Variants in PCBP4 observed in about 807,000 individuals in gnomAD.
The protein encoded by PCBP4 is poly(rC)-binding protein 4.
A neutral mutation model predicts 46.2 loss-of-function variants in PCBP4; 24 were observed. The ratio of observed to expected loss-of-function variants is 0.52; its 90% CI spans 0.38 to 0.73. The LOEUF (loss-of-function observed/expected upper bound fraction) is 0.73, where lower values mean the gene tolerates loss of function less well. Ranked by LOEUF, PCBP4 falls within the 30% of genes least tolerant of loss-of-function variation. The pLI, the probability that PCBP4 is intolerant of heterozygous loss-of-function variation, is 0.00. For synonymous variants in PCBP4, 203 were observed against 224.4 expected, an observed-to-expected ratio of 0.90 and a Z score of 0.85; for missense variants, 407 against 537.0, an observed-to-expected ratio of 0.76 and a Z score of 2.39.
In PCBP4 at chr3:51,960,959, G is replaced by A. The variant is rs751298435; in HGVS notation, c.105+51C>T. The A allele has an allele frequency of 5.6e-6, 9 of 1,614,082 alleles. No homozygotes were observed. Among genetic ancestry groups the A allele is most frequent in the Non-Finnish European group, 7.6e-6 (9 of 1,179,944 alleles). ...TTAGAGGTCACAGCCTCCTTCCCTG[G>A]GCTGAAGCCTCAGCTGGAGGGGGAT... On this transcript the variant is annotated intron_variant, in intron 4 of 13. Transcript: ENST00000461554. The surrounding 1 kb of genome is among the most constrained non-coding windows in gnomAD (Gnocchi z 5.0).
chr3:51,961,011 T>C lies in PCBP4; in HGVS notation c.104A>G (p.Lys35Arg), dbSNP rs779008679. The change falls in exon 4 of 14, where the codon AAG becomes AGG. Residue 35 changes from lysine to arginine, a missense_variant and splice_region_variant. Transcript: ENST00000461554. ...TACAGAGCAGAGCTAGGCACCTACC[T>C]TCCCGATGATGCTGCCCACTTCCTG... ...HGKEVGSIIG[K>R]KGETVKRIRE... is the part of the protein sequence containing the mutation. 1 of 1,614,228 alleles carries C rather than the reference T, an allele frequency of 6.2e-7. No individual in the cohort carries two copies. Among genetic ancestry groups the C allele is most frequent in the South Asian group, 1.1e-5 (1 of 91,092 alleles).
chr3:51,965,193 C>T (rs1426511425), intron 1 of PCBP4, among the ~76,000 whole-genome samples: 1 of 152,260 alleles, frequency 6.6e-6, no homozygotes. Context: ...TGCTCAACAG[C>T]CACCCATGGC....
At chr3:51,965,866 C>G (rs1408411415) in intron 1 of PCBP4, among the ~76,000 whole-genome samples, 1 of 151,690 alleles carries the variant, frequency 6.6e-6, no homozygotes, top group Non-Finnish European at 1.5e-5. Flanking sequence ...TTTAGGTTTT[C>G]AGAGGGTGGG....
Position 51,958,148 on chromosome 3 carries a change from C to A in PCBP4, c.1125G>T (p.Pro375=), listed in dbSNP as rs369172789. The A allele has an allele frequency of 6.2e-7, 1 of 1,612,266 alleles. No individual in the cohort carries two copies. The highest frequency in any genetic ancestry group is 1.1e-5 in the South Asian group (1 of 90,914). The change falls in exon 14 of 14, where the codon CCG becomes CCT. Residue 375 remains proline, a synonymous_variant. Coordinates refer to ENST00000461554, the MANE Select transcript of PCBP4 (RefSeq NM_001174100.2). The surrounding 1 kb of genome is among the most constrained non-coding windows in gnomAD (Gnocchi z 5.4). Reference sequence around the variant, plus strand: ...CAGTGTAGGCCGCCAAGCCCGGCGGCGGCCCTGGGGAAGCAGGTGGTAAAG... The same window carrying A: ...CAGTGTAGGCCGCCAAGCCCGGCGGAGGCCCTGGGGAAGCAGGTGGTAAAG... ...FLALPPASPG[P]PPGLAAYTAK...
In PCBP4 at chr3:51,963,989, C is replaced by T. The variant is rs914472557; in HGVS notation, c.-212-1901G>A. Among the ~76,000 whole-genome samples, 6 of 152,200 alleles carry T rather than the reference C, an allele frequency of 3.9e-5. No individual in the cohort carries two copies. In the East Asian group the frequency reaches 5.8e-4, roughly 15 times the overall value. The stretch of plus-strand genomic sequence containing the variant: ...CCCTGGGTCTTTGCCGGGCCACCCA[C>T]GTGGCAGCCACACAACATGCCACAG... On this transcript the variant is annotated intron_variant, in intron 1 of 13. Coordinates refer to ENST00000461554, the MANE Select transcript of PCBP4 (RefSeq NM_001174100.2).
In PCBP4 at chr3:51,959,301, A is replaced by T; in HGVS notation, c.637-9T>A. ...TGCTGGAGCTTGGTGACCTGTGCCA[A>T]AGAGGGGTCAGAGGTCAGAGGAGGC... On this transcript the variant is annotated splice_polypyrimidine_tract_variant and intron_variant, in intron 10 of 13. Transcript: ENST00000461554. This position sits in a 1 kb window ranked among gnomAD's most constrained non-coding sequence, Gnocchi z 5.6. The T allele has an allele frequency of 1.2e-6, 2 of 1,613,914 alleles. No homozygotes were observed. The highest frequency in any genetic ancestry group is 2.7e-5 in the African/African-American group (2 of 74,992).
At position 51,957,727 on chromosome 3, in the gene PCBP4, C is replaced by T; in HGVS notation, c.*334G>A. ...CTGACTCCCACAAGGATGCAGTAGG[C>T]CAGGAAGCCCTAAGGGATGGGGAGT... is the stretch of plus-strand genomic sequence containing the variant. On this transcript the variant is annotated 3_prime_UTR_variant, in exon 14 of 14. Coordinates refer to ENST00000461554, the MANE Select transcript of PCBP4 (RefSeq NM_001174100.2). The T allele has an allele frequency of 5.3e-6, 1 of 190,236 alleles. No homozygotes were observed. Among genetic ancestry groups the T allele is most frequent in the Non-Finnish European group, 1.1e-5 (1 of 93,336 alleles). The allele number at this position is 190,236 out of a possible 1,614,324, so 11.8% of individuals were successfully genotyped here. A position where few individuals can be genotyped will look rare whatever the true frequency, so the allele number is the denominator to read the frequency against.
chr3:51,960,492 C>A lies in PCBP4; in HGVS notation c.255+34G>T. 6.3e-7 allele frequency: 1 copy of A among 1,585,674 alleles called. No homozygotes were observed. Among genetic ancestry groups the A allele is most frequent in the South Asian group, 1.1e-5 (1 of 90,508 alleles). ...CAGAGTTGGGTTCCTCCTGGGGAACCACTCTTGGCGTCCTGCCCTGGCCAG... is the reference window on the plus strand; with the variant it reads ...CAGAGTTGGGTTCCTCCTGGGGAACAACTCTTGGCGTCCTGCCCTGGCCAG... On this transcript the variant is annotated intron_variant, in intron 6 of 13. Transcript: ENST00000461554. This position sits in a 1 kb window ranked among gnomAD's most constrained non-coding sequence, Gnocchi z 5.0.
rs78433790 is a variant in PCBP4 at position 51,961,385 on chromosome 3, G to T, written c.-64-81C>A. The T allele has an allele frequency of 2.3e-5, 32 of 1,418,180 alleles. No homozygotes were observed. In the East Asian group the frequency reaches 8.0e-4, roughly 35 times the overall value. 87.8% of individuals were successfully genotyped at this position (1,418,180 alleles called of 1,614,324 possible). On this transcript the variant is annotated intron_variant, in intron 2 of 13. Coordinates refer to ENST00000461554, the MANE Select transcript of PCBP4 (RefSeq NM_001174100.2). The stretch of plus-strand genomic sequence containing the variant: ...CCCTTACATGGGGACCCCAGAGCTG[G>T]GCTAGTCAAACTCCCAGAGGAAAGA...
Position 51,960,222 on chromosome 3 carries a change from C to T in PCBP4, c.354G>A (p.Gly118=), listed in dbSNP as rs1366838124. Residue 118 remains glycine, a synonymous_variant, in exon 7 of 14, where the codon GGG becomes GGA. Coordinates refer to ENST00000461554, the MANE Select transcript of PCBP4 (RefSeq NM_001174100.2). This position sits in a 1 kb window ranked among gnomAD's most constrained non-coding sequence, Gnocchi z 5.0. ...IPASQCGSLI[G]KAGTKIKEIR... ...TCTCCTTGATCTTGGTGCCAGCCTT[C>T]CCAATCAGTGAGCCACACTGACTGG... 2.5e-6 allele frequency: 4 copies of T among 1,614,020 alleles called. No homozygotes were observed. Among genetic ancestry groups the T allele is most frequent in the Admixed American group, 3.3e-5 (2 of 60,010 alleles).
At position 51,960,212 on chromosome 3, in the gene PCBP4, T is replaced by A; in HGVS notation, c.364A>T (p.Thr122Ser). 1.2e-6 allele frequency: 2 copies of A among 1,614,126 alleles called. No individual in the cohort carries two copies. Among genetic ancestry groups the A allele is most frequent in the Non-Finnish European group, 1.7e-6 (2 of 1,180,038 alleles). Reference sequence around the variant, plus strand: ...ACCTCTCGGATCTCCTTGATCTTGGTGCCAGCCTTCCCAATCAGTGAGCCA... The same window carrying A: ...ACCTCTCGGATCTCCTTGATCTTGGAGCCAGCCTTCCCAATCAGTGAGCCA... The part of the protein sequence containing the change: ...QCGSLIGKAG[T>S]KIKEIRETTG... The change falls in exon 7 of 14, where the codon ACC becomes TCC. Residue 122 changes from threonine to serine, a missense_variant. Thr to Ser is a moderately conservative substitution (Grantham distance 58, BLOSUM62 1). Coordinates refer to ENST00000461554, the MANE Select transcript of PCBP4 (RefSeq NM_001174100.2). The surrounding 1 kb of genome is among the most constrained non-coding windows in gnomAD (Gnocchi z 5.0).
chr3:51,958,198 C>A lies in PCBP4; in HGVS notation c.1075G>T (p.Gly359Cys). The A allele has an allele frequency of 6.2e-7, 1 of 1,612,908 alleles. No homozygotes were observed. Among genetic ancestry groups the A allele is most frequent in the Non-Finnish European group, 8.5e-7 (1 of 1,179,456 alleles). The part of the protein sequence containing the change: ...PYAISLSNFI[G>C]LKPMPFLALP... ...GCCAAGAAGGGCATGGGCTTGAGGCCGATGAAGTTGGAGAGGGAGATGGCA... is the reference window on the plus strand; with the variant it reads ...GCCAAGAAGGGCATGGGCTTGAGGCAGATGAAGTTGGAGAGGGAGATGGCA... The change falls in exon 14 of 14, where the codon GGC becomes TGC. Residue 359 changes from glycine (G) to cysteine (C), a missense_variant. Coordinates refer to ENST00000461554, the MANE Select transcript of PCBP4 (RefSeq NM_001174100.2). This position sits in a 1 kb window ranked among gnomAD's most constrained non-coding sequence, Gnocchi z 5.4.
At position 51,967,410 on chromosome 3, in the gene PCBP4, C is replaced by A. The variant is rs1258552423; in HGVS notation, c.-297G>T. ...CCACATTGTCCCCGGGAGAGGCGGC[C>A]GCTCACAACTGCGAGTGACATCAGC... On this transcript the variant is annotated 5_prime_UTR_variant, in exon 1 of 14. Coordinates refer to ENST00000461554, the MANE Select transcript of PCBP4 (RefSeq NM_001174100.2). 1 of 151,784 alleles carries A rather than the reference C, an allele frequency of 6.6e-6. No homozygotes were observed. The highest frequency in any genetic ancestry group is 1.5e-5 in the Non-Finnish European group (1 of 67,850). The allele number at this position is 151,784 out of a possible 1,614,324, so 9.4% of individuals were successfully genotyped here. A position where few individuals can be genotyped will look rare whatever the true frequency, so the allele number is the denominator to read the frequency against.
Position 51,959,209 on chromosome 3 carries a change from C to A in PCBP4, c.700+20G>T. 1 of 1,613,436 alleles carries A rather than the reference C, an allele frequency of 6.2e-7. No individual in the cohort carries two copies. The highest frequency in any genetic ancestry group is 1.1e-5 in the South Asian group (1 of 91,080). On this transcript the variant is annotated intron_variant, in intron 11 of 13. Transcript: ENST00000461554. The surrounding 1 kb of genome is among the most constrained non-coding windows in gnomAD (Gnocchi z 5.6). ...CCTCTTAGGACCCTCCCCCTGCCTC[C>A]TTGTGCAGGGGTGGCTTACCTGGCA...
intron 1 of PCBP4, among the ~76,000 whole-genome samples, chr3:51,966,519 G>T (rs533449641): frequency 1.3e-5 from 2 of 152,264 alleles, no homozygotes; most frequent in Non-Finnish European, 1.5e-5. Context: ...TTCATGGATT[G>T]TAAGAGCCTT....
chr3:51,960,684 C>G lies in PCBP4; in HGVS notation c.139-42G>C, dbSNP rs747001380. Reference sequence around the variant, plus strand: ...AGCGCCGGGCAGCGGGGCATCTTCCCTGCTCCCTTGCCGGAACTTGTCTGC... The same window carrying G: ...AGCGCCGGGCAGCGGGGCATCTTCCGTGCTCCCTTGCCGGAACTTGTCTGC... On this transcript the variant is annotated intron_variant, in intron 5 of 13. Coordinates refer to ENST00000461554, the MANE Select transcript of PCBP4 (RefSeq NM_001174100.2). The surrounding 1 kb of genome is among the most constrained non-coding windows in gnomAD (Gnocchi z 5.0). 1 of 1,552,678 alleles carries G rather than the reference C, an allele frequency of 6.4e-7. No individual in the cohort carries two copies.
rs1577677100 is a variant in PCBP4, at chr3:51,959,478, C to T, written c.592-67G>A. On this transcript the variant is annotated intron_variant, in intron 9 of 13. Transcript: ENST00000461554. This position sits in a 1 kb window ranked among gnomAD's most constrained non-coding sequence, Gnocchi z 5.6. Reference sequence around the variant, plus strand: ...TGCAGTTCAGCCAGAGTCACTCCTTCCCCCGTCCCTGGACCTCCAATTCCT... The same window carrying T: ...TGCAGTTCAGCCAGAGTCACTCCTTTCCCCGTCCCTGGACCTCCAATTCCT... The T allele has an allele frequency of 6.5e-7, 1 of 1,536,488 alleles. No individual in the cohort carries two copies. Among genetic ancestry groups the T allele is most frequent in the East Asian group, 2.4e-5 (1 of 42,106 alleles).
Position 51,957,469 on chromosome 3 carries a change from A to G in PCBP4, c.*592T>C, listed in dbSNP as rs546626818. Reference sequence around the variant, plus strand: ...ATTTCACAACTTCCTGGTCGCTGAGAATATTTATTCAAAAACAGGGATTGA... The same window carrying G: ...ATTTCACAACTTCCTGGTCGCTGAGGATATTTATTCAAAAACAGGGATTGA... On this transcript the variant is annotated 3_prime_UTR_variant, in exon 14 of 14. Coordinates refer to ENST00000461554, the MANE Select transcript of PCBP4 (RefSeq NM_001174100.2). The G allele has an allele frequency of 6.0e-6, 1 of 167,278 alleles. No homozygotes were observed. The highest frequency in any genetic ancestry group is 2.4e-5 in the African/African-American group (1 of 41,594). 10.4% of individuals were successfully genotyped at this position (167,278 alleles called of 1,614,324 possible).
In PCBP4 at chr3:51,957,968, G is replaced by C. The variant is rs1002056785; in HGVS notation, c.*93C>G. 1.4e-5 allele frequency: 17 copies of C among 1,236,832 alleles called. No individual in the cohort carries two copies. The African/African-American group carries it at 2.1e-4, about 16-fold the overall frequency. The allele number at this position is 1,236,832 out of a possible 1,614,324, so 76.6% of individuals were successfully genotyped here. On this transcript the variant is annotated 3_prime_UTR_variant, in exon 14 of 14. Transcript: ENST00000461554. ...TGCGTCTGGGCGTTAGCGGCGTTTG[G>C]GACCCCAGGGTGGAGTCTCCTTGGG...
Sources: gnomAD v4.1 joint callset for allele counts (sites outside exome capture counted in the v4.1 genomes callset) on GRCh38, gnomAD v4.1.1 for gene constraint, Gnocchi (gnomAD v3.1) non-coding constraint, MANE v1.5 for transcripts, NCBI Gene and HGNC (gene_info 2026-07-23, HGNC 2026-07-21) for gene names.